Variants in ADAMTSL1 observed in about 807,000 individuals in gnomAD.
The protein encoded by ADAMTSL1 is ADAMTS like 1.
In ADAMTSL1, 126 loss-of-function variants were observed where a neutral mutation model predicts 201.8. The observed-to-expected ratio is 0.62, with a 90% CI of 0.54 to 0.72. ADAMTSL1 has a LOEUF of 0.72. Among genes scored for constraint, ADAMTSL1 ranks in the 30% least tolerant of loss-of-function variants. The probability of loss-of-function intolerance (pLI) is 0.00; values close to 1 mark genes in which losing one functional copy is unlikely to be tolerated. For missense variants in ADAMTSL1, 2,679 were observed against 2,277.8 expected (o/e 1.18, Z -3.59); for synonymous variants, 1,121 against 903.4 (o/e 1.24, Z -4.32).
chr9:17,927,072 CT>C (rs1826568627), intron 1 of ADAMTSL1, among the ~76,000 whole-genome samples: 1 of 152,150 alleles, frequency 6.6e-6, no homozygotes, highest in African/African-American at 2.4e-5. Flanking sequence ...TTTTCTTCCC[CT>C]ATCCCCTGGC....
chr9:18,043,907 C>T (rs981142671), intron 1 of ADAMTSL1, among the ~76,000 whole-genome samples: 1 of 150,204 alleles, frequency 6.7e-6, no homozygotes, highest in East Asian at 2.0e-4. Flanking sequence ...TTTCTTCATT[C>T]CCCTTCATTT....
intron 1 of ADAMTSL1, among the ~76,000 whole-genome samples, chr9:18,013,178 A>G (rs1025087150): frequency 1.4e-4 from 21 of 152,046 alleles, no homozygotes; most frequent in African/African-American, 5.1e-4. Flanking sequence ...GTCAATGATG[A>G]TCATAATTAC....
intron 2 of ADAMTSL1, among the ~76,000 whole-genome samples, chr9:18,352,778 G>A (rs977228155): frequency 6.6e-6 from 1 of 152,104 alleles, no homozygotes; most frequent in African/African-American, 2.4e-5. Context: ...AGTCATAAAA[G>A]GTTATGCAGG....
At chr9:18,198,780 A>AT (rs1829297829) in intron 2 of ADAMTSL1, among the ~76,000 whole-genome samples, 1 of 132,490 alleles carries the variant, frequency 7.5e-6, no homozygotes, top group Non-Finnish European at 1.6e-5. Flanking sequence ...AAGGACTATA[A>AT]ATCATGCTGC....
At chr9:18,854,862 A>G (rs1338530858) in intron 23 of ADAMTSL1, among the ~76,000 whole-genome samples, 1 of 152,218 alleles carries the variant, frequency 6.6e-6, no homozygotes, top group Non-Finnish European at 1.5e-5. Context: ...CTCAAAATGC[A>G]ATCTAATATT....
intron 1 of ADAMTSL1, among the ~76,000 whole-genome samples, chr9:18,500,195 C>T (rs1280075137): frequency 6.6e-6 from 1 of 152,204 alleles, no homozygotes; most frequent in East Asian, 1.9e-4. Flanking sequence ...AGGCTTGGAG[C>T]TGTTCACCTG....
chr9:18,610,721 G>A (rs1359579396), intron 4 of ADAMTSL1, among the ~76,000 whole-genome samples: 1 of 152,272 alleles, frequency 6.6e-6, no homozygotes, highest in Non-Finnish European at 1.5e-5. Context: ...AAACAATTGT[G>A]ATGGGAGGAG....
chr9:18,112,268 C>T (rs1825056480), intron 1 of ADAMTSL1, among the ~76,000 whole-genome samples: 1 of 152,054 alleles, frequency 6.6e-6, no homozygotes, highest in Admixed American at 6.6e-5. Flanking sequence ...CTGAGTTCAC[C>T]TGTGGCATGG....
At chr9:18,238,982 A>T in intron 2 of ADAMTSL1, among the ~76,000 whole-genome samples, 1 of 152,258 alleles carries the variant, frequency 6.6e-6, no homozygotes, top group East Asian at 1.9e-4. Context: ...CCCAGTGCAT[A>T]TAAAAGTTAT....
At chr9:18,375,967 A>G (rs564725351) in intron 2 of ADAMTSL1, among the ~76,000 whole-genome samples, 1 of 152,248 alleles carries the variant, frequency 6.6e-6, no homozygotes, top group Non-Finnish European at 1.5e-5. Flanking sequence ...CTAGCCACAG[A>G]GTGCTGATTG....
intron 23 of ADAMTSL1, among the ~76,000 whole-genome samples, chr9:18,848,537 T>G (rs1826278510): frequency 1.3e-5 from 2 of 152,160 alleles, no homozygotes; most frequent in Admixed American, 1.3e-4. Flanking sequence ...CTCATGTAAC[T>G]TCCATGCCTG....
At chr9:18,905,547 CT>C (rs749429328) in intron 26 of ADAMTSL1, 1 of 530,190 alleles carries the variant, frequency 1.9e-6, no homozygotes, top group Non-Finnish European at 3.4e-6. Flanking sequence ...TGGTTCTACA[CT>C]ACCATTAGCC....
At chr9:18,050,155 G>T (rs1035002137) in intron 1 of ADAMTSL1, among the ~76,000 whole-genome samples, 2 of 152,094 alleles carry the variant, frequency 1.3e-5, no homozygotes, top group African/African-American at 2.4e-5. Flanking sequence ...TGGAGTTAAA[G>T]TCTCATTATA....
intron 26 of ADAMTSL1, 72 bp from the exon 27 acceptor site, chr9:18,905,710 G>A: frequency 8.3e-7 from 1 of 1,204,396 alleles, no homozygotes. Context: ...TGCATGCCAT[G>A]CAGCCCAAGC....
chr9:18,738,720 A>T (rs1818657026), intron 15 of ADAMTSL1, among the ~76,000 whole-genome samples: 1 of 152,212 alleles, frequency 6.6e-6, no homozygotes, highest in African/African-American at 2.4e-5. Flanking sequence ...GCATGAAGCA[A>T]AACAATGAAA....
chr9:18,787,449 G>A (rs2133806840), intron 19 of ADAMTSL1, among the ~76,000 whole-genome samples: 1 of 152,220 alleles, frequency 6.6e-6, no homozygotes, highest in Admixed American at 6.5e-5. Flanking sequence ...GGGATCTCCA[G>A]AGATCCCCCT....
intron 1 of ADAMTSL1, among the ~76,000 whole-genome samples, chr9:18,047,704 A>G (rs1340011688): frequency 2.0e-5 from 3 of 152,194 alleles, no homozygotes; most frequent in African/African-American, 7.2e-5. Context: ...TTAAATTGGC[A>G]TGCTGGTATA....
intron 2 of ADAMTSL1, among the ~76,000 whole-genome samples, chr9:18,306,622 C>T (rs1003444214): frequency 1.3e-5 from 2 of 151,808 alleles, no homozygotes; most frequent in Non-Finnish European, 2.9e-5. Flanking sequence ...ATGAAATAGA[C>T]CATGAAGACA....
chr9:18,340,142 C>T (rs1835411440), intron 2 of ADAMTSL1, among the ~76,000 whole-genome samples: 1 of 152,166 alleles, frequency 6.6e-6, no homozygotes, highest in Non-Finnish European at 1.5e-5. Context: ...AAATCTGGGG[C>T]TTCCCCAACA....
Sources: gnomAD v4.1 joint callset for allele counts (sites outside exome capture counted in the v4.1 genomes callset) on GRCh38, gnomAD v4.1.1 for gene constraint, MANE v1.5 for transcripts, NCBI Gene and HGNC (gene_info 2026-07-23, HGNC 2026-07-21) for gene names.